Variants in ANXA6 observed in about 807,000 individuals in gnomAD.
ANXA6 encodes annexin A6.
ANXA6 carries 71 observed loss-of-function variants against 95.4 expected under a neutral mutation model. The ratio of observed to expected loss-of-function variants is 0.74; its 90% CI spans 0.61 to 0.91. ANXA6 has a LOEUF of 0.91. Among genes scored for constraint, ANXA6 ranks in the 40% least tolerant of loss-of-function variants. The pLI, the probability that ANXA6 is intolerant of heterozygous loss-of-function variation, is 0.00. For synonymous variants in ANXA6, 289 were observed against 315.9 expected (o/e 0.91, Z 0.90); for missense variants, 830 against 876.4 (o/e 0.95, Z 0.67).
intron 16 of ANXA6, 74 bp downstream of exon 16, chr5:151,122,843 C>A: frequency 1.5e-6 from 2 of 1,356,382 alleles, no homozygotes; most frequent in African/African-American, 1.4e-5. Context: ...TGTGCAGAAC[C>A]GATGGGGACA....
At chr5:151,116,165 C>G (rs1014671534) in intron 20 of ANXA6, among the ~76,000 whole-genome samples, 1 of 152,228 alleles carries the variant, frequency 6.6e-6, no homozygotes, top group African/African-American at 2.4e-5. Flanking sequence ...AACCACACTT[C>G]TGTTATGGGA....
intron 2 of ANXA6, among the ~76,000 whole-genome samples, chr5:151,145,710 G>C (rs1339090695): frequency 1.3e-5 from 2 of 152,120 alleles, no homozygotes; most frequent in Non-Finnish European, 2.9e-5. Flanking sequence ...TAACTGGAAG[G>C]AACAACTGCA....
At chr5:151,116,183 A>G (rs897570153) in intron 20 of ANXA6, among the ~76,000 whole-genome samples, 1 of 152,224 alleles carries the variant, frequency 6.6e-6, no homozygotes, top group African/African-American at 2.4e-5. Flanking sequence ...GGACCTGGGA[A>G]CAGAAAAGTT....
At position 151,122,899 on chromosome 5, in the gene ANXA6, C is replaced by T. The variant is rs778306751; in HGVS notation, c.1233+18G>A. 2 of 1,611,456 alleles carry T rather than the reference C, an allele frequency of 1.2e-6. No individual in the cohort carries two copies. Among genetic ancestry groups the T allele is most frequent in the East Asian group, 2.2e-5 (1 of 44,864 alleles). ...GGTGCATGCATGTTGCACAGAGAGC[C>T]CAGGAGGAGGTCCTTACCCGGCCAA... On this transcript the variant is annotated intron_variant, in intron 16 of 25. Coordinates refer to ENST00000354546, the MANE Select transcript of ANXA6 (RefSeq NM_001155.5).
At chr5:151,143,997 G>C (rs938250747) in intron 2 of ANXA6, among the ~76,000 whole-genome samples, 6 of 152,166 alleles carry the variant, frequency 3.9e-5, no homozygotes, top group African/African-American at 1.4e-4. Flanking sequence ...CCCAGAGTCT[G>C]CAGGGCTCAG....
At chr5:151,104,047 G>A (rs1412190058) in intron 24 of ANXA6, among the ~76,000 whole-genome samples, 1 of 152,198 alleles carries the variant, frequency 6.6e-6, no homozygotes, top group Admixed American at 6.5e-5. Flanking sequence ...AGAAGAGGGA[G>A]GGCACAGACA....
Position 151,110,621 on chromosome 5 carries a change from A to ACT in ANXA6, c.1590+4_1590+5dup. On this transcript the variant is annotated splice_donor_region_variant and intron_variant, in intron 21 of 25. Coordinates refer to ENST00000354546, the MANE Select transcript of ANXA6 (RefSeq NM_001155.5). Reference sequence around the variant, plus strand: ...TTAAAACCCAAATGAAGAACAGGACACTCACCAAGATCTCAGCAGCCACCT... The same window carrying ACT: ...TTAAAACCCAAATGAAGAACAGGACACTCTCACCAAGATCTCAGCAGCCACCT... The ACT allele has an allele frequency of 6.2e-7, 1 of 1,613,120 alleles. No individual in the cohort carries two copies. Among genetic ancestry groups the ACT allele is most frequent in the Non-Finnish European group, 8.5e-7 (1 of 1,179,418 alleles).
rs1295076118 is a variant in ANXA6 at position 151,100,729 on chromosome 5, CTT to C, written c.*717_*718del. 2.6e-6 allele frequency: 1 copy of C among 381,336 alleles called. No individual in the cohort carries two copies. Among genetic ancestry groups the C allele is most frequent in the Admixed American group, 3.2e-5 (1 of 31,584 alleles). The allele number at this position is 381,336 out of a possible 1,614,324, so 23.6% of individuals were successfully genotyped here. On this transcript the variant is annotated 3_prime_UTR_variant, in exon 26 of 26. Coordinates refer to ENST00000354546, the MANE Select transcript of ANXA6 (RefSeq NM_001155.5). ...AATGTGTTTATGTGTTTGTGTATCT[CTT>C]TTTATTTCTTCCTTAGAAATAAAAA...
chr5:151,108,581 G>T lies in ANXA6; in HGVS notation c.1685-31C>A, dbSNP rs533195863. 77 of 1,588,948 alleles carry T rather than the reference G, an allele frequency of 4.8e-5. 2 individuals carry two copies. The East Asian group carries it at 8.5e-4, about 18-fold the overall frequency. On this transcript the variant is annotated intron_variant, in intron 22 of 25. Transcript: ENST00000354546. ...CACAAGAGAAGCCCCAGAGGTGGGG[G>T]TGAGCTTCAGTGCAGGAGGCGGAGG... is the stretch of plus-strand genomic sequence containing the variant.
intron 2 of ANXA6, among the ~76,000 whole-genome samples, chr5:151,145,692 C>T (rs928711185): frequency 6.6e-6 from 1 of 152,112 alleles, no homozygotes; most frequent in Non-Finnish European, 1.5e-5. Flanking sequence ...AATTGAAAGC[C>T]GAGCTAATAA....
chr5:151,108,391 T>C (rs1764757818), intron 23 of ANXA6, 64 bp downstream of exon 23: 3 of 1,459,948 alleles, frequency 2.1e-6, no homozygotes, highest in Non-Finnish European at 2.9e-6. Flanking sequence ...AAGGTTCTAT[T>C]CTTCCAGAGA....
chr5:151,117,720 G>T, intron 19 of ANXA6, 38 bp downstream of exon 19: 4 of 1,575,888 alleles, frequency 2.5e-6, no homozygotes, highest in Non-Finnish European at 3.5e-6. Flanking sequence ...CAGGCCTCCC[G>T]ATGGGCAAGC....
chr5:151,153,427 T>C (rs1460829517), intron 1 of ANXA6, among the ~76,000 whole-genome samples: 1 of 152,356 alleles, frequency 6.6e-6, no homozygotes, highest in East Asian at 1.9e-4. Flanking sequence ...TGTTATCTGC[T>C]GGATTCAAAT....
intron 3 of ANXA6, 21 bp downstream of exon 3, chr5:151,140,132 C>T: frequency 6.2e-7 from 1 of 1,612,276 alleles, no homozygotes; most frequent in East Asian, 2.2e-5. Flanking sequence ...CCCTCAAGCT[C>T]CCATGAAGCC....
chr5:151,117,859 T>A lies in ANXA6; in HGVS notation c.1439-22A>T, dbSNP rs760884327. Reference sequence around the variant, plus strand: ...TAGTCTGAGGCAGAGAAAGGGGGTGTGGGTAGCTGCTGGCCAAGAAGGATT... The same window carrying A: ...TAGTCTGAGGCAGAGAAAGGGGGTGAGGGTAGCTGCTGGCCAAGAAGGATT... On this transcript the variant is annotated intron_variant, in intron 18 of 25. Coordinates refer to ENST00000354546, the MANE Select transcript of ANXA6 (RefSeq NM_001155.5). The A allele has an allele frequency of 2.2e-5, 35 of 1,602,062 alleles. No individual in the cohort carries two copies. In the African/African-American group the frequency reaches 3.1e-4, roughly 14 times the overall value.
chr5:151,117,296 A>G, intron 19 of ANXA6, 116 bp from the exon 20 acceptor site: 1 of 1,028,106 alleles, frequency 9.7e-7, no homozygotes, highest in Non-Finnish European at 1.4e-6. Context: ...CATCAGCTAC[A>G]CAGGGACGAA....
chr5:151,109,688 G>T, intron 22 of ANXA6, 65 bp downstream of exon 22: 1 of 1,311,590 alleles, frequency 7.6e-7, no homozygotes, highest in Admixed American at 1.9e-5. Context: ...ACAGAGAGCT[G>T]AGAGGCTCTC....
At chr5:151,147,324 C>G (rs1029484241) in intron 2 of ANXA6, among the ~76,000 whole-genome samples, 3 of 152,230 alleles carry the variant, frequency 2.0e-5, no homozygotes, top group African/African-American at 7.2e-5. Flanking sequence ...GTATCCATTT[C>G]CCTTCGTCAG....
intron 17 of ANXA6, among the ~76,000 whole-genome samples, chr5:151,121,319 C>A (rs1299763693): frequency 6.6e-6 from 1 of 152,182 alleles, no homozygotes; most frequent in East Asian, 1.9e-4. Flanking sequence ...AAAATAAGAG[C>A]CCTGCCTTGT....
Sources: allele counts gnomAD v4.1 joint callset (sites outside exome capture counted in the v4.1 genomes callset), GRCh38; gene constraint gnomAD v4.1.1; transcripts MANE v1.5; gene names NCBI Gene and HGNC (gene_info 2026-07-23, HGNC 2026-07-21).